Variants in MOB3B observed in about 807,000 individuals in gnomAD.
The protein encoded by MOB3B is MOB kinase activator 3B.
In MOB3B, 7 loss-of-function variants were observed where a neutral mutation model predicts 18.7. The observed-to-expected ratio is 0.37, with a 90% CI of 0.21 to 0.70. The LOEUF (loss-of-function observed/expected upper bound fraction) is 0.70. MOB3B is among the 30% of genes least tolerant of loss of function. The pLI, the probability that MOB3B is intolerant of heterozygous loss-of-function variation, is 0.52. For synonymous variants in MOB3B, 111 were observed against 99.9 expected (o/e 1.11, Z -0.66); for missense variants, 253 against 281.3 (o/e 0.90, Z 0.72).
At chr9:27,336,193 G>A (rs1380145857) in intron 3 of MOB3B, among the ~76,000 whole-genome samples, 2 of 152,192 alleles carry the variant, frequency 1.3e-5, no homozygotes, top group African/African-American at 4.8e-5. Flanking sequence ...AGTTCACCCA[G>A]CTAGTCAGTG....
At chr9:27,492,730 T>C (rs1487521177) in intron 1 of MOB3B, among the ~76,000 whole-genome samples, 1 of 152,218 alleles carries the variant, frequency 6.6e-6, no homozygotes, top group South Asian at 2.1e-4. Context: ...CTTTCTGTCA[T>C]GAAGCTGACA....
At chr9:27,482,182 A>C (rs1008413657) in intron 1 of MOB3B, among the ~76,000 whole-genome samples, 1 of 152,240 alleles carries the variant, frequency 6.6e-6, no homozygotes, top group Non-Finnish European at 1.5e-5. Context: ...CCCACCCTGT[A>C]ATTTCCGCCC....
chr9:27,459,025 T>C (rs902183317), intron 1 of MOB3B, among the ~76,000 whole-genome samples: 4 of 149,810 alleles, frequency 2.7e-5, no homozygotes, highest in African/African-American at 9.8e-5. Flanking sequence ...CCCCCCATGT[T>C]TAAAGACAAT....
At chr9:27,517,525 G>A (rs1232493625) in intron 1 of MOB3B, among the ~76,000 whole-genome samples, 1 of 151,666 alleles carries the variant, frequency 6.6e-6, no homozygotes, top group Non-Finnish European at 1.5e-5. Context: ...GCACATGCCT[G>A]TAATCCCAGC....
At chr9:27,342,546 T>C (rs955564033) in intron 3 of MOB3B, among the ~76,000 whole-genome samples, 17 of 152,176 alleles carry the variant, frequency 1.1e-4, no homozygotes, top group South Asian at 6.2e-4. Flanking sequence ...GCCGCCATCT[T>C]GGCTCACCGC....
chr9:27,525,417 G>C (rs774207305), intron 1 of MOB3B, among the ~76,000 whole-genome samples: 3 of 152,128 alleles, frequency 2.0e-5, no homozygotes, highest in African/African-American at 7.2e-5. Flanking sequence ...ATGCTCCCTA[G>C]AGTCAATACT....
intron 1 of MOB3B, among the ~76,000 whole-genome samples, chr9:27,468,560 G>A (rs1413401378): frequency 6.6e-6 from 1 of 152,126 alleles, no homozygotes; most frequent in East Asian, 1.9e-4. Context: ...TCTCTGATGC[G>A]AATGCCCCAG....
At chr9:27,379,246 G>C (rs1482482451) in intron 2 of MOB3B, among the ~76,000 whole-genome samples, 3 of 152,126 alleles carry the variant, frequency 2.0e-5, no homozygotes, top group Non-Finnish European at 2.9e-5. Flanking sequence ...ACTGGCTCTT[G>C]GGTGCATCTC....
At chr9:27,476,658 C>G (rs1199925265) in intron 1 of MOB3B, among the ~76,000 whole-genome samples, 4 of 152,160 alleles carry the variant, frequency 2.6e-5, no homozygotes, top group African/African-American at 9.7e-5. Context: ...AAAACAACTG[C>G]CTTTGCAATC....
intron 2 of MOB3B, among the ~76,000 whole-genome samples, chr9:27,403,094 G>T (rs1821910420): frequency 6.6e-6 from 1 of 152,188 alleles, no homozygotes; most frequent in Non-Finnish European, 1.5e-5. Flanking sequence ...ATCTGGCTCT[G>T]ATGACCACTG....
chr9:27,367,948 CTG>C (rs1821362186), intron 2 of MOB3B, among the ~76,000 whole-genome samples: 1 of 152,178 alleles, frequency 6.6e-6, no homozygotes, highest in Non-Finnish European at 1.5e-5. Context: ...CTCCTTGAAA[CTG>C]TTATTCATGT....
chr9:27,403,036 G>C (rs533451969), intron 2 of MOB3B, among the ~76,000 whole-genome samples: 1 of 152,160 alleles, frequency 6.6e-6, no homozygotes, highest in Non-Finnish European at 1.5e-5. Flanking sequence ...CAACAGGGAA[G>C]CAGGTTAAAA....
intron 1 of MOB3B, among the ~76,000 whole-genome samples, chr9:27,504,400 T>C (rs771080364): frequency 2.0e-5 from 3 of 152,360 alleles, no homozygotes; most frequent in Non-Finnish European, 2.9e-5. Context: ...CAAGATATTA[T>C]AGTAGTAACT....
rs34976107 is a variant in MOB3B at position 27,478,810 on chromosome 9, G to GACACACACAC, written c.-198-23072_-198-23063dup. 1.7e-3 allele frequency among the ~76,000 whole-genome samples: 236 copies of GACACACACAC among 141,408 alleles called. 2 individuals are homozygous for GACACACACAC. Among genetic ancestry groups the GACACACACAC allele is most frequent in the Non-Finnish European group, 2.0e-3 (133 of 65,698 alleles). 92.8% of individuals were successfully genotyped at this position (141,408 alleles called of 152,430 possible). On this transcript the variant is annotated intron_variant, in intron 1 of 3. Transcript: ENST00000262244. ...TACAAGTCCCAAGCAGGATTAAAAA[G>GACACACACAC]ACACACACACACACACACACACACA...
intron 2 of MOB3B, 25 bp downstream of exon 2, chr9:27,455,108 A>T (rs753722990): frequency 3.7e-6 from 6 of 1,613,606 alleles, no homozygotes; most frequent in African/African-American, 2.7e-5. Context: ...GTGACAAAAA[A>T]ACTGAGAGCT....
chr9:27,338,361 A>G (rs918032060), intron 3 of MOB3B, among the ~76,000 whole-genome samples: 2 of 152,162 alleles, frequency 1.3e-5, no homozygotes, highest in South Asian at 2.1e-4. Context: ...GAAAGGGAGC[A>G]GAACTCTGGG....
chr9:27,423,731 T>C (rs971839927), intron 2 of MOB3B, among the ~76,000 whole-genome samples: 2 of 152,238 alleles, frequency 1.3e-5, no homozygotes, highest in South Asian at 2.1e-4. Context: ...AATGCCTTCA[T>C]ATGGCAGGCA....
In MOB3B at chr9:27,326,483, G is replaced by T. The variant is rs965757575; in HGVS notation, c.*4104C>A. 1.3e-5 allele frequency: 5 copies of T among 398,468 alleles called. No homozygotes were observed. The highest frequency in any genetic ancestry group is 2.1e-5 in the African/African-American group (1 of 48,628). 24.7% of individuals were successfully genotyped at this position (398,468 alleles called of 1,614,324 possible). On this transcript the variant is annotated 3_prime_UTR_variant, in exon 4 of 4. Coordinates refer to ENST00000262244, the MANE Select transcript of MOB3B (RefSeq NM_024761.5). ...AAACTCAAAAAGAATACTTCAGCTC[G>T]AGTTGAATGGAATTCAAGATGTTGT...
intron 3 of MOB3B, among the ~76,000 whole-genome samples, chr9:27,357,146 G>T (rs200982773): frequency 8.5e-4 from 41 of 48,134 alleles, no homozygotes; most frequent in African/African-American, 3.0e-3. Context: ...ATATATATAT[G>T]TGTTTTTTTT....
Sources: allele counts gnomAD v4.1 joint callset (sites outside exome capture counted in the v4.1 genomes callset), GRCh38; gene constraint gnomAD v4.1.1; transcripts MANE v1.5; gene names NCBI Gene and HGNC (gene_info 2026-07-23, HGNC 2026-07-21).